Variants in C2CD5 observed in about 807,000 individuals in gnomAD.
C2CD5 encodes C2 calcium dependent domain containing 5, also known as C2 domain-containing protein 5.
A neutral mutation model predicts 130.3 loss-of-function variants in C2CD5; 109 were observed. The ratio of observed to expected loss-of-function variants is 0.84; its 90% CI spans 0.72 to 0.98. The LOEUF (loss-of-function observed/expected upper bound fraction) is 0.98. C2CD5 is among the 50% of genes least tolerant of loss of function. The pLI is 0.00. For missense variants in C2CD5, 996 were observed against 1,261.8 expected, an observed-to-expected ratio of 0.79 and a Z score of 3.19; for synonymous variants, 454 against 429.2, an observed-to-expected ratio of 1.06 and a Z score of -0.71.
chr12:22,537,033 C>T (rs1188807846), intron 2 of C2CD5, among the ~76,000 whole-genome samples: 1 of 152,084 alleles, frequency 6.6e-6, no homozygotes, highest in African/African-American at 2.4e-5. Flanking sequence ...TTTATAAAAA[C>T]ATTCAAAATC....
chr12:22,495,522 A>G (rs1946899149), intron 10 of C2CD5, among the ~76,000 whole-genome samples: 1 of 151,988 alleles, frequency 6.6e-6, no homozygotes, highest in African/African-American at 2.4e-5. Flanking sequence ...ATTAAACCAA[A>G]CACTATGAAA....
chr12:22,522,589 A>G (rs1591974411), intron 7 of C2CD5, among the ~76,000 whole-genome samples: 1 of 152,192 alleles, frequency 6.6e-6, no homozygotes, highest in African/African-American at 2.4e-5. Flanking sequence ...GGCAGACCCT[A>G]AAGTATTGGC....
At chr12:22,514,326 T>C (rs1450714168) in intron 8 of C2CD5, among the ~76,000 whole-genome samples, 2 of 152,210 alleles carry the variant, frequency 1.3e-5, no homozygotes, top group Non-Finnish European at 2.9e-5. Flanking sequence ...TTAGCATATG[T>C]ATAGTCCCAT....
chr12:22,511,477 A>C (rs1275886967), intron 9 of C2CD5, among the ~76,000 whole-genome samples: 1 of 152,188 alleles, frequency 6.6e-6, no homozygotes, highest in Non-Finnish European at 1.5e-5. Flanking sequence ...TCATAAACTT[A>C]AGTAACTGCT....
chr12:22,521,548 C>T (rs1028962604), intron 7 of C2CD5, among the ~76,000 whole-genome samples: 4 of 152,090 alleles, frequency 2.6e-5, no homozygotes, highest in African/African-American at 9.7e-5. Flanking sequence ...TAAATATTTA[C>T]TTAAATTTGC....
chr12:22,470,926 A>T lies in C2CD5; in HGVS notation c.2359-15T>A, dbSNP rs1200088978. Reference sequence around the variant, plus strand: ...GTGACTGTAACCTAGAATTATAAAAACAATAATGGTTAGCAAAATAATCAC... The same window carrying T: ...GTGACTGTAACCTAGAATTATAAAATCAATAATGGTTAGCAAAATAATCAC... On this transcript the variant is annotated splice_polypyrimidine_tract_variant and intron_variant, in intron 20 of 26. Transcript: ENST00000446597. 13 of 1,574,440 alleles carry T rather than the reference A, an allele frequency of 8.3e-6. No homozygotes were observed. Among genetic ancestry groups the T allele is most frequent in the Admixed American group, 1.7e-5 (1 of 58,546 alleles).
rs919134329 is a variant in C2CD5, at chr12:22,457,256, T to G, written c.2687-95A>C. ...CAAATAAGTGGTGACAACATTCAGCTGTCTGTGAGGCTAAGCCATGTCATG... is the reference window on the plus strand; with the variant it reads ...CAAATAAGTGGTGACAACATTCAGCGGTCTGTGAGGCTAAGCCATGTCATG... On this transcript the variant is annotated intron_variant, in intron 24 of 26. Coordinates refer to ENST00000446597, the MANE Select transcript of C2CD5 (RefSeq NM_001286176.2). 5 of 762,214 alleles carry G rather than the reference T, an allele frequency of 6.6e-6. No individual in the cohort carries two copies. In the Admixed American group the frequency reaches 8.9e-5, roughly 13 times the overall value. 47.2% of individuals were successfully genotyped at this position (762,214 alleles called of 1,614,324 possible).
At chr12:22,463,904 C>G (rs1201967739) in intron 22 of C2CD5, 2 of 152,032 alleles carry the variant, frequency 1.3e-5, no homozygotes, top group African/African-American at 2.4e-5. Context: ...GTTTTATTTT[C>G]CTATTTAAAC....
At chr12:22,518,707 T>C (rs1195305209) in intron 7 of C2CD5, among the ~76,000 whole-genome samples, 1 of 152,220 alleles carries the variant, frequency 6.6e-6, no homozygotes, top group Non-Finnish European at 1.5e-5. Flanking sequence ...AAATAGGACC[T>C]ACTGTAATAG....
rs1418274491 is a variant in C2CD5, at chr12:22,448,644, G to C, written c.*1116C>G. 6.6e-6 allele frequency: 1 copy of C among 152,280 alleles called. No homozygotes were observed. Among genetic ancestry groups the C allele is most frequent in the African/African-American group, 2.4e-5 (1 of 41,384 alleles). 9.4% of individuals were successfully genotyped at this position (152,280 alleles called of 1,614,324 possible). The stretch of plus-strand genomic sequence containing the variant: ...TATAAACAAAATACAGAAAAATATT[G>C]ACACCTGTGATAACAAGGAAATGAC... On this transcript the variant is annotated 3_prime_UTR_variant, in exon 27 of 27. Transcript: ENST00000446597.
chr12:22,501,981 G>A (rs901972115), intron 10 of C2CD5, among the ~76,000 whole-genome samples: 1 of 151,674 alleles, frequency 6.6e-6, no homozygotes, highest in African/African-American at 2.4e-5. Flanking sequence ...AATCAAAATG[G>A]TTGTATTATT....
At chr12:22,513,234 G>T in intron 9 of C2CD5, 60 bp downstream of exon 9, 3 of 1,165,986 alleles carry the variant, frequency 2.6e-6, no homozygotes, top group Non-Finnish European at 3.9e-6. Context: ...GTACATGGAA[G>T]CATAAGATAA....
chr12:22,536,949 T>C (rs1370479703), intron 2 of C2CD5, among the ~76,000 whole-genome samples: 2 of 152,218 alleles, frequency 1.3e-5, no homozygotes, highest in Non-Finnish European at 2.9e-5. Context: ...CATTTAAATA[T>C]TCAAGGCATG....
chr12:22,542,701 T>C (rs1388202671), intron 2 of C2CD5, among the ~76,000 whole-genome samples: 1 of 152,138 alleles, frequency 6.6e-6, no homozygotes, highest in Non-Finnish European at 1.5e-5. Flanking sequence ...ATTAGCAGAG[T>C]GGTTAAGAGA....
At chr12:22,534,019 C>G (rs957192426) in intron 3 of C2CD5, among the ~76,000 whole-genome samples, 2 of 152,268 alleles carry the variant, frequency 1.3e-5, no homozygotes, top group Admixed American at 6.5e-5. Context: ...AACCCCATCT[C>G]TACTAAAAAT....
intron 24 of C2CD5, among the ~76,000 whole-genome samples, chr12:22,457,476 T>A (rs1334237138): frequency 6.6e-6 from 1 of 152,164 alleles, no homozygotes; most frequent in Non-Finnish European, 1.5e-5. Flanking sequence ...GCATTAAAAT[T>A]ATCTGCTGTA....
Position 22,457,068 on chromosome 12 carries a change from T to G in C2CD5, c.2780A>C (p.Lys927Thr), listed in dbSNP as rs1409183758. ...AGGAATAAAAGAAAGAGGTGTCATC[T>G]TAACAACCCCAACTGTGGAATTTGC... is the stretch of plus-strand genomic sequence containing the variant. ...PCANSTVGVV[K>T]MTPLSFIPGA... Residue 927 changes from lysine (K) to threonine (T), a missense_variant, in exon 25 of 27, where the codon AAG (lysine) becomes ACG (threonine). Physicochemically the swap from Lys to Thr is moderately conservative, Grantham distance 78 (BLOSUM62 -1). This residue lies in a region of C2CD5 where 590 missense variants were observed against 631.4 expected (regional missense o/e 0.93). Coordinates refer to ENST00000446597, the MANE Select transcript of C2CD5 (RefSeq NM_001286176.2). 8 of 1,612,562 alleles carry G rather than the reference T, an allele frequency of 5.0e-6. No homozygotes were observed. Among genetic ancestry groups the G allele is most frequent in the Non-Finnish European group, 6.8e-6 (8 of 1,179,044 alleles).
At chr12:22,450,212 T>C (rs1938276170) in intron 26 of C2CD5, among the ~76,000 whole-genome samples, 1 of 152,018 alleles carries the variant, frequency 6.6e-6, no homozygotes, top group African/African-American at 2.4e-5. Flanking sequence ...AACAAAGACA[T>C]GGGACAAGAG....
intron 26 of C2CD5, among the ~76,000 whole-genome samples, chr12:22,452,840 G>T (rs1421629636): frequency 6.6e-6 from 1 of 152,180 alleles, no homozygotes; most frequent in Non-Finnish European, 1.5e-5. Context: ...GCTGAGGTGG[G>T]AAGATCGCTT....
Sources: allele counts gnomAD v4.1 joint callset (sites outside exome capture counted in the v4.1 genomes callset), GRCh38; gene constraint gnomAD v4.1.1; regional missense constraint gnomAD v4.1.1; transcripts MANE v1.5; gene names NCBI Gene and HGNC (gene_info 2026-07-23, HGNC 2026-07-21).